Variants in NOS3 observed in about 807,000 individuals in gnomAD.
NOS3 encodes NOS type III.
Under a neutral mutation model 144.9 loss-of-function variants are expected in NOS3, and 98 were observed. That is an observed-to-expected ratio of 0.68 (90% CI 0.57 to 0.80). The LOEUF is 0.80. NOS3 is among the 30% of genes least tolerant of loss of function. NOS3 has a pLI of 0.00. For synonymous variants in NOS3, 714 were observed against 702.4 expected, an observed-to-expected ratio of 1.02 and a Z score of -0.26; for missense variants, 1,465 against 1,656.4, an observed-to-expected ratio of 0.88 and a Z score of 2.01.
At chr7:151,013,682 C>A (rs767490622) in intron 25 of NOS3, 42 bp from the exon 26 acceptor site, 2 of 1,431,640 alleles carry the variant, frequency 1.4e-6, no homozygotes, top group Non-Finnish European at 1.9e-6. Flanking sequence ...CGCCCCCGCG[C>A]CCACCCCCAC....
rs759701004 is a variant in NOS3, at chr7:151,006,948, G to A, written c.1880G>A (p.Arg627Gln). The A allele has an allele frequency of 1.9e-5, 30 of 1,614,012 alleles. No individual in the cohort carries two copies. The highest frequency in any genetic ancestry group is 4.0e-5 in the African/African-American group (3 of 74,924). The change falls in exon 16 of 27, where the codon CGG becomes CAG. Residue 627 changes from arginine (R) to glutamine (Q), a missense_variant. Arg to Gln is a conservative substitution (Grantham distance 43, BLOSUM62 1). Transcript: ENST00000297494. Reference sequence around the variant, plus strand: ...TCAGACCCACTGGTGTCCTCTTGGCGGCGGAAGAGGAAGGAGTCCAGTAAC... The same window carrying A: ...TCAGACCCACTGGTGTCCTCTTGGCAGCGGAAGAGGAAGGAGTCCAGTAAC... ...SCSDPLVSSW[R>Q]RKRKESSNTD...
chr7:150,996,728 C>T (rs764982303), intron 4 of NOS3, 35 bp from the exon 5 acceptor site: 1 of 1,605,956 alleles, frequency 6.2e-7, no homozygotes, highest in Non-Finnish European at 8.5e-7. Flanking sequence ...CACACAACTT[C>T]CTGCTTGTCC....
Position 151,013,269 on chromosome 7 carries a change from C to T in NOS3, c.3145C>T (p.Arg1049Ter). ...TCCCATGACTTTGGTGTTCGGCTGC[C>T]GATGCTCCCAACTTGACCATCTCTA... is the stretch of plus-strand genomic sequence containing the variant. ...PTPMTLVFGC[R>*]CSQLDHLYRD... is the part of the protein sequence containing the mutation. The change falls in exon 25 of 27, where the codon CGA becomes TGA. Residue 1049 changes from arginine to a stop codon, truncating the protein, a stop_gained. Transcript: ENST00000297494. LOFTEE classifies it high-confidence loss of function. 1 of 1,613,964 alleles carries T rather than the reference C, an allele frequency of 6.2e-7. No individual in the cohort carries two copies. The highest frequency in any genetic ancestry group is 1.7e-5 in the Admixed American group (1 of 60,016).
Position 151,014,462 on chromosome 7 carries a change from C to T in NOS3, c.*293C>T. On this transcript the variant is annotated 3_prime_UTR_variant, in exon 27 of 27. Transcript: ENST00000297494. ...TTTCTTAGTCGAATGTTAGATTCCT[C>T]TTGCCTCTCTCAGGAGTATCTTACC... is the stretch of plus-strand genomic sequence containing the variant. 2.3e-6 allele frequency: 1 copy of T among 438,264 alleles called. No individual in the cohort carries two copies. The allele number at this position is 438,264 out of a possible 1,614,324, so 27.1% of individuals were successfully genotyped here.
At position 151,010,669 on chromosome 7, in the gene NOS3, T is replaced by A; in HGVS notation, c.2758T>A (p.Ser920Thr). Residue 920 changes from serine to threonine, a missense_variant, in exon 22 of 27, where the codon TCG (serine) becomes ACG (threonine). Coordinates refer to ENST00000297494, the MANE Select transcript of NOS3 (RefSeq NM_000603.5). ...GCTGGAGGTGCTGGAGCAGTTCCCGTCGGTGGCGCTGCCTGCCCCACTGCT... is the reference window on the plus strand; with the variant it reads ...GCTGGAGGTGCTGGAGCAGTTCCCGACGGTGGCGCTGCCTGCCCCACTGCT... ...TLLEVLEQFPSVALPAPLLLT... is the reference protein window; with the variant it reads ...TLLEVLEQFPTVALPAPLLLT... 2 of 1,608,562 alleles carry A rather than the reference T, an allele frequency of 1.2e-6. No homozygotes were observed. The highest frequency in any genetic ancestry group is 8.5e-7 in the Non-Finnish European group (1 of 1,177,866).
intron 17 of NOS3, among the ~76,000 whole-genome samples, chr7:151,007,728 C>T (rs1172093642): frequency 1.3e-5 from 2 of 152,250 alleles, no homozygotes; most frequent in Non-Finnish European, 2.9e-5. Context: ...TGGGGCGGTG[C>T]CTGCACCGCA....
At position 151,001,987 on chromosome 7, in the gene NOS3, C is replaced by A. The variant is rs758657065; in HGVS notation, c.1647+22C>A. On this transcript the variant is annotated intron_variant, in intron 13 of 26. Transcript: ENST00000297494. ...CCGGGTAGGGCTGAGCCCAGGGGAGCAGGGAGCTAGAAAGAGGGGGCTCTA... is the reference window on the plus strand; with the variant it reads ...CCGGGTAGGGCTGAGCCCAGGGGAGAAGGGAGCTAGAAAGAGGGGGCTCTA... The A allele has an allele frequency of 8.7e-6, 14 of 1,611,814 alleles. No individual in the cohort carries two copies. The Admixed American group carries it at 2.3e-4, about 27-fold the overall frequency.
chr7:151,013,245 C>T lies in NOS3; in HGVS notation c.3121C>T (p.Pro1041Ser). The change falls in exon 25 of 27, where the codon CCC (proline) becomes TCC (serine). Residue 1041 changes from proline (P) to serine (S), a missense_variant. Around this residue, in one of 5 missense-constraint regions of NOS3, gnomAD observed 106 missense variants for 167.7 expected, o/e 0.63. Coordinates refer to ENST00000297494, the MANE Select transcript of NOS3 (RefSeq NM_000603.5). ...DIESKGLQPTPMTLVFGCRCS... is the reference protein window; with the variant it reads ...DIESKGLQPTSMTLVFGCRCS... ...GTTGCTTGCAGGGCTGCAGCCCACT[C>T]CCATGACTTTGGTGTTCGGCTGCCG... 1 of 1,613,548 alleles carries T rather than the reference C, an allele frequency of 6.2e-7. No homozygotes were observed. Among genetic ancestry groups the T allele is most frequent in the Non-Finnish European group, 8.5e-7 (1 of 1,179,826 alleles).
In NOS3 at chr7:151,009,404, C is replaced by T. The variant is rs1287334398; in HGVS notation, c.2331C>T (p.Ala777=). Residue 777 remains alanine (A), a synonymous_variant, in exon 20 of 27, where the codon GCC becomes GCT. Transcript: ENST00000297494. The part of the protein sequence containing the change: ...ENLQSSKSTR[A]TILVRLDTGG... ...CCCCTCTCCCCACCCCCAGGAGGGC[C>T]ACCATCCTGGTGCGCCTGGACACCG... The T allele has an allele frequency of 6.5e-7, 1 of 1,528,158 alleles. No individual in the cohort carries two copies. Among genetic ancestry groups the T allele is most frequent in the Middle Eastern group, 1.7e-4 (1 of 5,834 alleles). The allele number at this position is 1,528,158 out of a possible 1,614,324, so 94.7% of individuals were successfully genotyped here.
chr7:150,998,991 G>C lies in NOS3; in HGVS notation c.862G>C (p.Val288Leu). The change falls in exon 8 of 27, where the codon GTG becomes CTG. Residue 288 changes from valine (V) to leucine (L), a missense_variant. By Grantham distance (32) the Val-to-Leu change is conservative. This residue lies in a region of NOS3 where 12 missense variants were observed against 30.1 expected (regional missense o/e 0.40). Transcript: ENST00000297494. This position sits in a 1 kb window ranked among gnomAD's most constrained non-coding sequence, Gnocchi z 5.0. Reference sequence around the variant, plus strand: ...GACCCCAGGAAACGGTCGCTTCGACGTGCTGCCCCTGCTGCTGCAGGCCCC... The same window carrying C: ...GACCCCAGGAAACGGTCGCTTCGACCTGCTGCCCCTGCTGCTGCAGGCCCC... ...GWTPGNGRFD[V>L]LPLLLQAPDD... The C allele has an allele frequency of 1.2e-6, 2 of 1,612,638 alleles. No homozygotes were observed. Among genetic ancestry groups the C allele is most frequent in the South Asian group, 1.1e-5 (1 of 91,076 alleles).
Position 151,003,292 on chromosome 7 carries a change from A to C in NOS3, c.1752+988A>C, listed in dbSNP as rs1563223089. On this transcript the variant is annotated intron_variant, in intron 14 of 26. Transcript: ENST00000297494. The surrounding 1 kb of genome is among the most constrained non-coding windows in gnomAD (Gnocchi z 4.1). ...AGGCGCATGCCATGATGCCTAGCTA[A>C]TTTTTGTATTTTTTATAGAGATGGG... 1.9e-6 allele frequency: 1 copy of C among 519,432 alleles called. No homozygotes were observed. Among genetic ancestry groups the C allele is most frequent in the African/African-American group, 2.0e-5 (1 of 51,060 alleles). The allele number at this position is 519,432 out of a possible 1,614,324, so 32.2% of individuals were successfully genotyped here.
rs1808593 is a variant in NOS3 at position 151,011,214 on chromosome 7, G to T, written c.2984+228G>T. Among the ~76,000 whole-genome samples the T allele has an allele frequency of 0.77, 116,626 of 151,890 alleles. 44,959 individuals are homozygous for T. Among genetic ancestry groups the T allele is most frequent in the South Asian group, 0.83 (4,008 of 4,800 alleles). On this transcript the variant is annotated intron_variant, in intron 23 of 26. Coordinates refer to ENST00000297494, the MANE Select transcript of NOS3 (RefSeq NM_000603.5). ...CTATAGCTCCCAGAGCCAGAGCTGG[G>T]ATCAAACCGGCTGGCCCTGTGGCTT...
rs1174217564 is a variant in NOS3, at chr7:151,009,586, G to A, written c.2512+1G>A. 6.6e-7 allele frequency: 1 copy of A among 1,525,560 alleles called. No individual in the cohort carries two copies. The highest frequency in any genetic ancestry group is 8.8e-7 in the Non-Finnish European group (1 of 1,134,852). 94.5% of individuals were successfully genotyped at this position (1,525,560 alleles called of 1,614,324 possible). ...GAGCAGCTGGAGAAGGGCAGCCCTG[G>A]TGAGGGGCAGCCTGGGAAGCAACAG... On this transcript the variant is annotated splice_donor_variant, in intron 20 of 26. Transcript: ENST00000297494. LOFTEE classifies it high-confidence loss of function.
intron 20 of NOS3, 21 bp from the exon 21 acceptor site, chr7:151,010,094 C>T (rs1431545056): frequency 6.5e-6 from 10 of 1,538,988 alleles, no homozygotes; most frequent in African/African-American, 2.7e-5. Context: ...GTCCTCAGAG[C>T]TCCCTGTGCA....
intron 23 of NOS3, 22 bp downstream of exon 23, chr7:151,011,008 G>C: frequency 6.4e-7 from 1 of 1,573,378 alleles, no homozygotes; most frequent in Non-Finnish European, 8.7e-7. Flanking sequence ...GGAAGACTTG[G>C]TGGGGAGCTG....
At position 151,000,590 on chromosome 7, in the gene NOS3, C is replaced by G. The variant is rs375280994; in HGVS notation, c.1224C>G (p.His408Gln). ...TGGAAATCAACGTGGCCGTGCTGCA[C>G]AGTTACCAGGTGCAGAGGCCCAGAC... is the stretch of plus-strand genomic sequence containing the variant. ...AAVEINVAVL[H>Q]SYQLAKVTIV... The change falls in exon 10 of 27, where the codon CAC (histidine) becomes CAG (glutamine). Residue 408 changes from histidine to glutamine, a missense_variant. This residue lies in a region of NOS3 where 745 missense variants were observed against 853.9 expected (regional missense o/e 0.87). Transcript: ENST00000297494. The G allele has an allele frequency of 6.2e-7, 1 of 1,611,120 alleles. No homozygotes were observed. Among genetic ancestry groups the G allele is most frequent in the Admixed American group, 1.7e-5 (1 of 60,006 alleles).
At position 150,999,062 on chromosome 7, in the gene NOS3, T is replaced by C; in HGVS notation, c.933T>C (p.Leu311=). ...ELFLLPPELV[L]EVPLEHPTLE... Reference sequence around the variant, plus strand: ...TCCTTCTGCCCCCCGAGCTGGTCCTTGAGGTGCCCCTGGAGCACCCCACGT... The same window carrying C: ...TCCTTCTGCCCCCCGAGCTGGTCCTCGAGGTGCCCCTGGAGCACCCCACGT... The change falls in exon 8 of 27, where the codon CTT becomes CTC. Residue 311 remains leucine, a synonymous_variant. Transcript: ENST00000297494. 5 of 1,612,588 alleles carry C rather than the reference T, an allele frequency of 3.1e-6. No homozygotes were observed. Among genetic ancestry groups the C allele is most frequent in the African/African-American group, 1.3e-5 (1 of 75,014 alleles).
chr7:151,009,589 A>AG lies in NOS3; in HGVS notation c.2512+8dup. The AG allele has an allele frequency of 1.3e-6, 2 of 1,523,082 alleles. No homozygotes were observed. Among genetic ancestry groups the AG allele is most frequent in the South Asian group, 2.4e-5 (2 of 81,942 alleles). 94.3% of individuals were successfully genotyped at this position (1,523,082 alleles called of 1,614,324 possible). On this transcript the variant is annotated splice_donor_region_variant and intron_variant, in intron 20 of 26. Transcript: ENST00000297494. ...CAGCTGGAGAAGGGCAGCCCTGGTG[A>AG]GGGGCAGCCTGGGAAGCAACAGGGC...
chr7:151,012,260 C>A, intron 23 of NOS3, 91 bp from the exon 24 acceptor site: 39 of 671,694 alleles, frequency 5.8e-5, no homozygotes, highest in Non-Finnish European at 6.2e-5. Context: ...ATGGGAAGAA[C>A]TTGGGTCCTC....
Sources: gnomAD v4.1 joint callset for allele counts (sites outside exome capture counted in the v4.1 genomes callset) on GRCh38, gnomAD v4.1.1 for gene constraint, gnomAD v4.1.1 regional missense constraint, Gnocchi (gnomAD v3.1) non-coding constraint, MANE v1.5 for transcripts, NCBI Gene and HGNC (gene_info 2026-07-23, HGNC 2026-07-21) for gene names.